CBFA2T3: variants seen among roughly 807,000 people sequenced by gnomAD.
CBFA2T3 encodes the protein transcriptional corepressor CBFA2T3.
In CBFA2T3, 31 loss-of-function variants were observed where a neutral mutation model predicts 58.6. The observed-to-expected ratio is 0.53, with a 90% CI of 0.40 to 0.71. The LOEUF (loss-of-function observed/expected upper bound fraction) is 0.71, where lower values mean the gene tolerates loss of function less well. Among genes scored for constraint, CBFA2T3 ranks in the 30% least tolerant of loss-of-function variants. The pLI is 0.00. For synonymous variants in CBFA2T3, 531 were observed against 421.9 expected, an observed-to-expected ratio of 1.26 and a Z score of -3.17; for missense variants, 1,076 against 963.1, an observed-to-expected ratio of 1.12 and a Z score of -1.55.
chr16:88,947,893 G>T (rs1457992278), intron 1 of CBFA2T3, among the ~76,000 whole-genome samples: 1 of 152,192 alleles, frequency 6.6e-6, no homozygotes, highest in Non-Finnish European at 1.5e-5. Context: ...TAGCCTGGGT[G>T]ATGGAACGAG....
chr16:88,892,538 C>T, intron 3 of CBFA2T3, 53 bp from the exon 4 acceptor site: 1 of 1,602,050 alleles, frequency 6.2e-7, no homozygotes, highest in Non-Finnish European at 8.5e-7. Flanking sequence ...ACAACACAAC[C>T]CAGACGGCGG....
Position 88,880,806 on chromosome 16 carries a change from G to T in CBFA2T3, c.1403-18C>A. The T allele has an allele frequency of 6.4e-7, 1 of 1,570,834 alleles. No homozygotes were observed. Among genetic ancestry groups the T allele is most frequent in the Non-Finnish European group, 8.6e-7 (1 of 1,157,658 alleles). On this transcript the variant is annotated intron_variant, in intron 9 of 11. Transcript: ENST00000268679. ...AGGCACGTCTGAAACAGGGGCCGGC[G>T]TCACACAGGATGGGCCACGCGGCTG...
chr16:88,903,666 G>C (rs1306947738), intron 1 of CBFA2T3, among the ~76,000 whole-genome samples: 2 of 135,684 alleles, frequency 1.5e-5, no homozygotes, highest in Non-Finnish European at 3.2e-5. Flanking sequence ...GGCTGGGGGG[G>C]GGGGCGTTCC....
intron 2 of CBFA2T3, among the ~76,000 whole-genome samples, chr16:88,900,274 C>A (rs1456879878): frequency 6.6e-6 from 1 of 152,254 alleles, no homozygotes; most frequent in Admixed American, 6.5e-5. Context: ...CATTGCTGGG[C>A]CACCCCATTC....
At chr16:88,879,502 C>T (rs749568878) in intron 10 of CBFA2T3, 42 bp from the exon 11 acceptor site, 37 of 1,575,820 alleles carry the variant, frequency 2.3e-5, no homozygotes, top group Non-Finnish European at 2.8e-5. Flanking sequence ...CATGGGCCAT[C>T]CCAGATGGGT....
intron 1 of CBFA2T3, among the ~76,000 whole-genome samples, chr16:88,972,346 T>C (rs1008865060): frequency 6.6e-6 from 1 of 150,986 alleles, no homozygotes; most frequent in African/African-American, 2.4e-5. Flanking sequence ...TGGGGGGGAG[T>C]CAGGCTTTGT....
intron 1 of CBFA2T3, among the ~76,000 whole-genome samples, chr16:88,923,970 T>G (rs1273723611): frequency 6.6e-6 from 1 of 152,144 alleles, no homozygotes; most frequent in Non-Finnish European, 1.5e-5. Context: ...GATCTCATGC[T>G]GAGGGTGCAC....
chr16:88,882,851 A>C, intron 7 of CBFA2T3, 90 bp from the exon 8 acceptor site: 1 of 899,988 alleles, frequency 1.1e-6, no homozygotes. Context: ...CCCAGGCCCC[A>C]CCCGTGGGCT....
chr16:88,876,844 C>T lies in CBFA2T3; in HGVS notation c.*132G>A, dbSNP rs557128390. 11 of 673,640 alleles carry T rather than the reference C, an allele frequency of 1.6e-5. No homozygotes were observed. The highest frequency in any genetic ancestry group is 6.6e-5 in the East Asian group (2 of 30,088). 41.7% of individuals were successfully genotyped at this position (673,640 alleles called of 1,614,324 possible). A position where few individuals can be genotyped will look rare whatever the true frequency, so the allele number is the denominator to read the frequency against. On this transcript the variant is annotated 3_prime_UTR_variant, in exon 12 of 12. Transcript: ENST00000268679. Reference sequence around the variant, plus strand: ...GCAGTAGCAGCAGTGACTAATTGGTCGGCTCCCCCAGGTCAGGCGGGGCGC... The same window carrying T: ...GCAGTAGCAGCAGTGACTAATTGGTTGGCTCCCCCAGGTCAGGCGGGGCGC...
At chr16:88,904,580 G>A (rs529571545) in intron 1 of CBFA2T3, among the ~76,000 whole-genome samples, 11 of 152,364 alleles carry the variant, frequency 7.2e-5, no homozygotes, top group African/African-American at 2.6e-4. Context: ...ACCTGAGGCC[G>A]AACGGAGGCT....
chr16:88,897,231 G>C (rs1443802934), intron 3 of CBFA2T3, among the ~76,000 whole-genome samples: 1 of 152,262 alleles, frequency 6.6e-6, no homozygotes, highest in African/African-American at 2.4e-5. Flanking sequence ...CCAGGCGCGA[G>C]TGCGTGGCCA....
At chr16:88,894,077 G>A (rs1315770047) in intron 3 of CBFA2T3, among the ~76,000 whole-genome samples, 2 of 152,120 alleles carry the variant, frequency 1.3e-5, no homozygotes, top group East Asian at 1.9e-4. Context: ...TCCCTACAAA[G>A]GGTACCAACT....
chr16:88,900,874 G>A (rs1728989829), intron 2 of CBFA2T3, among the ~76,000 whole-genome samples: 1 of 152,254 alleles, frequency 6.6e-6, no homozygotes, highest in Non-Finnish European at 1.5e-5. Flanking sequence ...TGTGCGCCAA[G>A]CACGGCCAAC....
chr16:88,888,563 T>TGGGGAGGGGTGGGAG (rs1969487278), intron 5 of CBFA2T3, among the ~76,000 whole-genome samples: 1 of 6,930 alleles, frequency 1.4e-4, no homozygotes, highest in Non-Finnish European at 2.5e-4. Context: ...GGGGTAGGGG[T>TGGGGAGGGGTGGGAG]GGGGTGGGGT....
At chr16:88,901,048 C>T (rs1197051755) in intron 2 of CBFA2T3, among the ~76,000 whole-genome samples, 1 of 152,278 alleles carries the variant, frequency 6.6e-6, no homozygotes, top group Non-Finnish European at 1.5e-5. Context: ...GGTCCCTCCA[C>T]GGGGCCTGTA....
intron 1 of CBFA2T3, among the ~76,000 whole-genome samples, chr16:88,905,676 TGAA>T (rs914434816): frequency 5.8e-5 from 7 of 120,638 alleles, no homozygotes; most frequent in South Asian, 2.8e-4. Context: ...GAGGTGGGGC[TGAA>T]GGAGGGGCGG....
intron 3 of CBFA2T3, among the ~76,000 whole-genome samples, chr16:88,896,581 T>C (rs1969895518): frequency 6.6e-6 from 1 of 152,000 alleles, no homozygotes; most frequent in Non-Finnish European, 1.5e-5. Context: ...GGCCACACGG[T>C]GGACTGTGAC....
chr16:88,905,542 C>T (rs1275281810), intron 1 of CBFA2T3, among the ~76,000 whole-genome samples: 3 of 151,764 alleles, frequency 2.0e-5, no homozygotes, highest in African/African-American at 4.9e-5. Flanking sequence ...CCAGGGTAGC[C>T]TTCAAAGGAA....
intron 3 of CBFA2T3, among the ~76,000 whole-genome samples, chr16:88,893,008 G>A (rs988576592): frequency 7.2e-5 from 11 of 152,122 alleles, no homozygotes; most frequent in Admixed American, 4.6e-4. Flanking sequence ...GGGAGCAAGG[G>A]GCTTCTCCAC....
Sources: allele counts gnomAD v4.1 joint callset (sites outside exome capture counted in the v4.1 genomes callset), GRCh38; gene constraint gnomAD v4.1.1; transcripts MANE v1.5; gene names NCBI Gene and HGNC (gene_info 2026-07-23, HGNC 2026-07-21).